CDH5: variants seen among roughly 807,000 people sequenced by gnomAD.
The protein encoded by CDH5 is cadherin-5.
A neutral mutation model predicts 62.0 loss-of-function variants in CDH5; 28 were observed. The ratio of observed to expected loss-of-function variants is 0.45; its 90% CI spans 0.33 to 0.62. The LOEUF is 0.62. Among genes scored for constraint, CDH5 ranks in the 20% least tolerant of loss-of-function variants. The pLI, the probability that CDH5 is intolerant of heterozygous loss-of-function variation, is 0.02. For synonymous variants in CDH5, 464 were observed against 445.8 expected, an observed-to-expected ratio of 1.04 and a Z score of -0.52; for missense variants, 940 against 1,065.1, an observed-to-expected ratio of 0.88 and a Z score of 1.63.
chr16:66,374,065 C>A (rs908343461), intron 1 of CDH5, among the ~76,000 whole-genome samples: 9 of 152,200 alleles, frequency 5.9e-5, no homozygotes, highest in African/African-American at 1.9e-4. Flanking sequence ...CTGCCTCCGG[C>A]TATGTGAACT....
chr16:66,397,973 C>A lies in CDH5; in HGVS notation c.1361-9C>A, dbSNP rs759285864. 1 of 1,614,120 alleles carries A rather than the reference C, an allele frequency of 6.2e-7. No individual in the cohort carries two copies. The highest frequency in any genetic ancestry group is 1.7e-5 in the Admixed American group (1 of 60,026). ...GAGCCCATAATGGTGACAGTCTTCT[C>A]CCCTGCAGGAACCCCCACAGGAAAA... is the stretch of plus-strand genomic sequence containing the variant. On this transcript the variant is annotated splice_polypyrimidine_tract_variant and intron_variant, in intron 8 of 11. Coordinates refer to ENST00000341529, the MANE Select transcript of CDH5 (RefSeq NM_001795.5).
intron 11 of CDH5, among the ~76,000 whole-genome samples, chr16:66,401,596 A>T (rs903903179): frequency 5.3e-5 from 8 of 151,886 alleles, no homozygotes; most frequent in African/African-American, 1.9e-4. Context: ...ATTGGGGTGG[A>T]AGTGGTTTAT....
At position 66,397,986 on chromosome 16, in the gene CDH5, C is replaced by T; in HGVS notation, c.1365C>T (p.Thr455=). The part of the protein sequence containing the change: ...VEAKELDSTG[T]PTGKESIVQV... ...TGACAGTCTTCTCCCCTGCAGGAACCCCCACAGGAAAAGAATCCATTGTGC... is the reference window on the plus strand; with the variant it reads ...TGACAGTCTTCTCCCCTGCAGGAACTCCCACAGGAAAAGAATCCATTGTGC... Residue 455 remains threonine (T), a synonymous_variant, in exon 9 of 12, where the codon ACC becomes ACT. Coordinates refer to ENST00000341529, the MANE Select transcript of CDH5 (RefSeq NM_001795.5). 2 of 1,614,122 alleles carry T rather than the reference C, an allele frequency of 1.2e-6. No individual in the cohort carries two copies. The highest frequency in any genetic ancestry group is 1.7e-6 in the Non-Finnish European group (2 of 1,179,988).
intron 10 of CDH5, among the ~76,000 whole-genome samples, chr16:66,400,012 G>A (rs1051702209): frequency 8.5e-5 from 13 of 152,152 alleles, no homozygotes; most frequent in East Asian, 1.9e-4. Flanking sequence ...TTCTCTGATC[G>A]TTGACATTAC....
intron 1 of CDH5, among the ~76,000 whole-genome samples, chr16:66,367,224 T>C (rs906533059): frequency 6.6e-6 from 1 of 152,196 alleles, no homozygotes. Context: ...TAAAGCTCTA[T>C]GCTGGGATCT....
At chr16:66,373,726 T>A (rs1960734526) in intron 1 of CDH5, among the ~76,000 whole-genome samples, 2 of 152,156 alleles carry the variant, frequency 1.3e-5, no homozygotes, top group Non-Finnish European at 2.9e-5. Context: ...CACAAATAAA[T>A]GTGGCTTTTC....
At position 66,392,802 on chromosome 16, in the gene CDH5, A is replaced by C; in HGVS notation, c.1217+419A>C. On this transcript the variant is annotated intron_variant, in intron 7 of 11. Coordinates refer to ENST00000341529, the MANE Select transcript of CDH5 (RefSeq NM_001795.5). ...AGTGTTCATTTTATACAGTGAAACA[A>C]CACAGAGATCTACCAAGAAAACACT... is the stretch of plus-strand genomic sequence containing the variant. 38 of 172,918 alleles carry C rather than the reference A, an allele frequency of 2.2e-4. No individual in the cohort carries two copies. In the East Asian group the frequency reaches 3.9e-3, roughly 18 times the overall value. 10.7% of individuals were successfully genotyped at this position (172,918 alleles called of 1,614,324 possible). A position where few individuals can be genotyped will look rare whatever the true frequency, so the allele number is the denominator to read the frequency against.
chr16:66,375,712 T>C (rs982097537), intron 1 of CDH5, among the ~76,000 whole-genome samples: 1 of 152,024 alleles, frequency 6.6e-6, no homozygotes, highest in Non-Finnish European at 1.5e-5. Flanking sequence ...CACCGTACAC[T>C]TAGCTTCACT....
chr16:66,371,454 C>T (rs1960688258), intron 1 of CDH5, among the ~76,000 whole-genome samples: 1 of 152,120 alleles, frequency 6.6e-6, no homozygotes. Context: ...GGCTGGGATC[C>T]TAGCTGAAAG....
At chr16:66,376,863 G>T (rs1441826232) in intron 1 of CDH5, among the ~76,000 whole-genome samples, 1 of 152,172 alleles carries the variant, frequency 6.6e-6, no homozygotes, top group East Asian at 1.9e-4. Flanking sequence ...CCCCAAGGGA[G>T]TGTGTCTTAC....
chr16:66,392,222 C>A lies in CDH5; in HGVS notation c.1056C>A (p.Pro352=). The A allele has an allele frequency of 1.2e-6, 2 of 1,614,126 alleles. No homozygotes were observed. Among genetic ancestry groups the A allele is most frequent in the South Asian group, 2.2e-5 (2 of 91,066 alleles). The change falls in exon 7 of 12, where the codon CCC becomes CCA. Residue 352 remains proline, a synonymous_variant. Transcript: ENST00000341529. ...TCGACCTCCGATACATGAGCCCTCC[C>A]GCGGGAAACAGAGCCCAGGTCATTA... ...PTIDLRYMSP[P]AGNRAQVIIN... is the part of the protein sequence containing the mutation.
Position 66,388,421 on chromosome 16 carries a change from T to A in CDH5, c.597T>A (p.Tyr199Ter). The change falls in exon 4 of 12, where the codon TAT becomes TAA. Residue 199 changes from tyrosine to a stop codon, truncating the protein, a stop_gained. Coordinates refer to ENST00000341529, the MANE Select transcript of CDH5 (RefSeq NM_001795.5). LOFTEE classifies it high-confidence loss of function. Reference sequence around the variant, plus strand: ...ACCAAATCCTGAAGGGGAAAGAGTATTTTGCCATCGATAATTCTGGTCTGT... The same window carrying A: ...ACCAAATCCTGAAGGGGAAAGAGTAATTTGCCATCGATAATTCTGGTCTGT... ...VMYQILKGKE[Y>*]FAIDNSGRII... The A allele has an allele frequency of 6.2e-7, 1 of 1,610,904 alleles. No homozygotes were observed. Among genetic ancestry groups the A allele is most frequent in the Non-Finnish European group, 8.5e-7 (1 of 1,177,070 alleles).
rs748117819 is a variant in CDH5, at chr16:66,379,086, T to C, written c.-19-233T>C. The C allele has an allele frequency of 2.5e-4, 132 of 530,230 alleles. 1 individual carries two copies. Among genetic ancestry groups the C allele is most frequent in the Non-Finnish European group, 2.4e-4 (73 of 301,956 alleles). The allele number at this position is 530,230 out of a possible 1,614,324, so 32.8% of individuals were successfully genotyped here. A position where few individuals can be genotyped will look rare whatever the true frequency, so the allele number is the denominator to read the frequency against. Reference sequence around the variant, plus strand: ...GGTGAGGAGTAGGTACAAGGAAGTGTAGGGAAATTTATCTTAAATGCGCTT... The same window carrying C: ...GGTGAGGAGTAGGTACAAGGAAGTGCAGGGAAATTTATCTTAAATGCGCTT... On this transcript the variant is annotated intron_variant, in intron 1 of 11. Coordinates refer to ENST00000341529, the MANE Select transcript of CDH5 (RefSeq NM_001795.5).
At chr16:66,388,130 A>T (rs760319383) in intron 3 of CDH5, among the ~76,000 whole-genome samples, 194 bp from the exon 4 acceptor site, 2 of 152,054 alleles carry the variant, frequency 1.3e-5, no homozygotes, top group Non-Finnish European at 2.9e-5. Context: ...TTCAAGGTTG[A>T]CCTGGCTGGG....
intron 1 of CDH5, among the ~76,000 whole-genome samples, chr16:66,375,647 G>C (rs952965363): frequency 6.6e-6 from 1 of 152,138 alleles, no homozygotes; most frequent in African/African-American, 2.4e-5. Context: ...GTGAGTCAGG[G>C]AGTGAGTGGT....
chr16:66,386,765 C>A, intron 2 of CDH5, 44 bp from the exon 3 acceptor site: 2 of 1,524,498 alleles, frequency 1.3e-6, no homozygotes, highest in South Asian at 1.3e-5. Flanking sequence ...TCACACACAG[C>A]CACTGCCGCC....
rs1191955614 is a variant in CDH5 at position 66,374,090 on chromosome 16, T to C, written c.-19-5229T>C. The stretch of plus-strand genomic sequence containing the variant: ...CTATGTGAACTGAGATGACTTACGC[T>C]ACCTCTCTGAGCCCCCATTTCTTTA... On this transcript the variant is annotated intron_variant, in intron 1 of 11. Transcript: ENST00000341529. Among the ~76,000 whole-genome samples, 3 of 152,220 alleles carry C rather than the reference T, an allele frequency of 2.0e-5. No homozygotes were observed. In the South Asian group the frequency reaches 6.2e-4, roughly 32 times the overall value.
At chr16:66,375,249 T>C (rs527545127) in intron 1 of CDH5, among the ~76,000 whole-genome samples, 1 of 152,054 alleles carries the variant, frequency 6.6e-6, no homozygotes, top group South Asian at 2.1e-4. Flanking sequence ...AAAATTCCCA[T>C]GTAAAAGATA....
Position 66,403,008 on chromosome 16 carries a change from G to A in CDH5, c.2194G>A (p.Gly732Ser), listed in dbSNP as rs746212904. ...GPPYDTLHIYGYEGSESIAES... is the reference protein window; with the variant it reads ...GPPYDTLHIYSYEGSESIAES... ...CCCCTACGACACGCTGCACATCTAC[G>A]GCTACGAGGGCTCCGAGTCCATAGC... The change falls in exon 12 of 12, where the codon GGC (glycine) becomes AGC (serine). Residue 732 changes from glycine to serine, a missense_variant. Gly to Ser is a moderately conservative substitution (Grantham distance 56). Transcript: ENST00000341529. The surrounding 1 kb of genome is among the most constrained non-coding windows in gnomAD (Gnocchi z 4.3). 5 of 1,613,248 alleles carry A rather than the reference G, an allele frequency of 3.1e-6. No homozygotes were observed. In the South Asian group the frequency reaches 4.4e-5, roughly 14 times the overall value.
Sources: gnomAD v4.1 joint callset for allele counts (sites outside exome capture counted in the v4.1 genomes callset) on GRCh38, gnomAD v4.1.1 for gene constraint, Gnocchi (gnomAD v3.1) non-coding constraint, MANE v1.5 for transcripts, NCBI Gene and HGNC (gene_info 2026-07-23, HGNC 2026-07-21) for gene names.